The following CADM1 variants were observed in gnomAD, a reference collection of about 807,000 sequenced individuals.
The protein encoded by CADM1 is TSLC-1.
Under a neutral mutation model 53.1 loss-of-function variants are expected in CADM1, and 15 were observed. The observed-to-expected ratio is 0.28, with a 90% CI of 0.19 to 0.44. The LOEUF is 0.44. Ranked by LOEUF, CADM1 falls within the 20% of genes least tolerant of loss-of-function variation. CADM1 has a pLI of 1.00. For synonymous variants in CADM1, 281 were observed against 243.0 expected, an observed-to-expected ratio of 1.16 and a Z score of -1.45; for missense variants, 434 against 611.3, an observed-to-expected ratio of 0.71 and a Z score of 3.06.
intron 1 of CADM1, among the ~76,000 whole-genome samples, chr11:115,376,348 C>A (rs1946437382): frequency 6.6e-6 from 1 of 152,064 alleles, no homozygotes; most frequent in East Asian, 1.9e-4. Context: ...TATCCACCTG[C>A]AATATCTCCC....
At position 115,232,860 on chromosome 11, in the gene CADM1, A is replaced by C. The variant is rs1413979042; in HGVS notation, c.425-1370T>G. ...ACAGTTCCGAGACTTATGATTAATA[A>C]GTTTCTCAACTCAGAAGAGAAACAA... On this transcript the variant is annotated intron_variant, in intron 3 of 11. Coordinates refer to ENST00000331581, the MANE Select transcript of CADM1 (RefSeq NM_001301043.2). Among the ~76,000 whole-genome samples, 3 of 152,232 alleles carry C rather than the reference A, an allele frequency of 2.0e-5. No individual in the cohort carries two copies. In the South Asian group the frequency reaches 6.2e-4, roughly 31 times the overall value.
chr11:115,325,468 G>C (rs1944936674), intron 1 of CADM1, among the ~76,000 whole-genome samples: 1 of 152,168 alleles, frequency 6.6e-6, no homozygotes, highest in African/African-American at 2.4e-5. Flanking sequence ...CCAAGAATTA[G>C]ATCTTATGTC....
At chr11:115,239,205 C>G (rs534143005) in intron 2 of CADM1, among the ~76,000 whole-genome samples, 1 of 152,138 alleles carries the variant, frequency 6.6e-6, no homozygotes, top group South Asian at 2.1e-4. Flanking sequence ...ATTACAAAAG[C>G]AACATGAAAA....
At chr11:115,254,831 A>G (rs1017066762) in intron 1 of CADM1, among the ~76,000 whole-genome samples, 1 of 152,180 alleles carries the variant, frequency 6.6e-6, no homozygotes, top group Non-Finnish European at 1.5e-5. Context: ...ATATTGAATG[A>G]CATTGCATGC....
At chr11:115,493,453 G>A (rs1187739332) in intron 1 of CADM1, among the ~76,000 whole-genome samples, 1 of 152,054 alleles carries the variant, frequency 6.6e-6, no homozygotes, top group African/African-American at 2.4e-5. Flanking sequence ...TAAGTAAAGG[G>A]CCATTAGAGA....
chr11:115,393,530 G>GA (rs906287419), intron 1 of CADM1, among the ~76,000 whole-genome samples: 6 of 141,112 alleles, frequency 4.3e-5, no homozygotes, highest in African/African-American at 1.6e-4. Context: ...TAAAGTATTA[G>GA]AAAAAAGAGC....
intron 1 of CADM1, among the ~76,000 whole-genome samples, chr11:115,367,875 T>A (rs1189231302): frequency 6.6e-6 from 1 of 152,104 alleles, no homozygotes; most frequent in Non-Finnish European, 1.5e-5. Context: ...CCATATGAGA[T>A]GATTTCCTCA....
intron 1 of CADM1, among the ~76,000 whole-genome samples, chr11:115,337,451 C>T (rs945344267): frequency 2.0e-5 from 3 of 152,100 alleles, no homozygotes; most frequent in African/African-American, 7.2e-5. Context: ...GCACCACAGA[C>T]ATTCTTCCTC....
intron 7 of CADM1, among the ~76,000 whole-genome samples, chr11:115,212,651 A>C (rs1941014596): frequency 6.6e-6 from 1 of 152,238 alleles, no homozygotes; most frequent in Non-Finnish European, 1.5e-5. Context: ...TTCTACTGGA[A>C]AGCAGTGAGA....
intron 10 of CADM1, among the ~76,000 whole-genome samples, chr11:115,186,811 C>T (rs1273456649): frequency 2.6e-5 from 4 of 152,170 alleles, no homozygotes; most frequent in Non-Finnish European, 5.9e-5. Flanking sequence ...TCCACTTTAT[C>T]CGGTTTTATT....
intron 1 of CADM1, among the ~76,000 whole-genome samples, chr11:115,286,224 C>T (rs182030335): frequency 8.7e-4 from 132 of 152,162 alleles, no homozygotes; most frequent in African/African-American, 3.1e-3. Flanking sequence ...ACTTTGCAAC[C>T]GCAGCAAATC....
chr11:115,406,019 C>G (rs1565411076), intron 1 of CADM1, among the ~76,000 whole-genome samples: 1 of 152,188 alleles, frequency 6.6e-6, no homozygotes, highest in Admixed American at 6.5e-5. Flanking sequence ...CAAAAGGCAT[C>G]TGCATCATAA....
chr11:115,429,320 G>C (rs949179552), intron 1 of CADM1, among the ~76,000 whole-genome samples: 1 of 151,998 alleles, frequency 6.6e-6, no homozygotes, highest in Admixed American at 6.6e-5. Context: ...TATTCTAAAA[G>C]ATCCTGGCTG....
chr11:115,310,377 T>C (rs902722257), intron 1 of CADM1, among the ~76,000 whole-genome samples: 3 of 152,120 alleles, frequency 2.0e-5, no homozygotes, highest in Non-Finnish European at 4.4e-5. Context: ...AAGTCAACAC[T>C]TGCATCCTGC....
chr11:115,238,711 C>T, intron 2 of CADM1, 59 bp from the exon 3 acceptor site: 1 of 1,558,318 alleles, frequency 6.4e-7, no homozygotes, highest in East Asian at 2.2e-5. Flanking sequence ...GTCTATTTTC[C>T]TTAATTATTT....
At chr11:115,249,267 CT>C (rs1942512134) in intron 1 of CADM1, among the ~76,000 whole-genome samples, 1 of 152,180 alleles carries the variant, frequency 6.6e-6, no homozygotes, top group African/African-American at 2.4e-5. Context: ...TGATATTATA[CT>C]CTAGGAAACA....
At chr11:115,389,321 A>G (rs1316942934) in intron 1 of CADM1, among the ~76,000 whole-genome samples, 1 of 152,168 alleles carries the variant, frequency 6.6e-6, no homozygotes, top group Non-Finnish European at 1.5e-5. Context: ...AAACAAAACA[A>G]TGTCTTCACT....
chr11:115,499,024 T>C (rs1232445237), intron 1 of CADM1, among the ~76,000 whole-genome samples: 2 of 151,446 alleles, frequency 1.3e-5, no homozygotes, highest in African/African-American at 4.9e-5. Flanking sequence ...AAATTTTCCA[T>C]AATAAAATGG....
chr11:115,419,579 GCT>G (rs1331307391), intron 1 of CADM1, among the ~76,000 whole-genome samples: 5 of 152,112 alleles, frequency 3.3e-5, no homozygotes, highest in African/African-American at 1.2e-4. Context: ...GTTGGTGAAA[GCT>G]CTGTTTTCAG....
Sources: allele counts gnomAD v4.1 joint callset (sites outside exome capture counted in the v4.1 genomes callset), GRCh38; gene constraint gnomAD v4.1.1; transcripts MANE v1.5; gene names NCBI Gene and HGNC (gene_info 2026-07-23, HGNC 2026-07-21).